The following CYP2C19 variants were observed in gnomAD, a reference collection of about 807,000 sequenced individuals.
CYP2C19 encodes the protein cytochrome P450 2C19.
A neutral mutation model predicts 40.9 loss-of-function variants in CYP2C19; 59 were observed. That is an observed-to-expected ratio of 1.44 (90% CI 1.17 to 1.79). CYP2C19 has a LOEUF of 1.79. CYP2C19 is among the 40% of genes most tolerant of loss of function. CYP2C19 has a pLI of 0.00. For missense variants in CYP2C19, 754 were observed against 596.9 expected, an observed-to-expected ratio of 1.26 and a Z score of -2.74; for synonymous variants, 253 against 208.7, an observed-to-expected ratio of 1.21 and a Z score of -1.83.
intron 5 of CYP2C19, among the ~76,000 whole-genome samples, chr10:94,800,294 G>T (rs1004136609): frequency 6.6e-6 from 1 of 152,182 alleles, no homozygotes; most frequent in East Asian, 1.9e-4. Flanking sequence ...TTTGTTGGAG[G>T]TTCACTCCAG....
chr10:94,765,287 C>G (rs537675139), intron 1 of CYP2C19, among the ~76,000 whole-genome samples: 58 of 152,122 alleles, frequency 3.8e-4, no homozygotes, highest in African/African-American at 1.3e-3. Context: ...CTGATAGGGT[C>G]TGATTTCCTG....
At chr10:94,778,260 C>G (rs1214071555) in intron 3 of CYP2C19, among the ~76,000 whole-genome samples, 1 of 152,172 alleles carries the variant, frequency 6.6e-6, no homozygotes, top group African/African-American at 2.4e-5. Context: ...CAAGCCTGTT[C>G]AAGATGACTT....
chr10:94,823,236 C>T (rs562889194), intron 6 of CYP2C19, among the ~76,000 whole-genome samples: 30 of 152,236 alleles, frequency 2.0e-4, no homozygotes, highest in African/African-American at 6.5e-4. Context: ...GCTCTCTCTG[C>T]CTAGGTTTCC....
At chr10:94,806,475 A>G (rs1848837908) in intron 5 of CYP2C19, among the ~76,000 whole-genome samples, 1 of 152,012 alleles carries the variant, frequency 6.6e-6, no homozygotes, top group Non-Finnish European at 1.5e-5. Flanking sequence ...GAACGTCTTA[A>G]TGTTTTTCTT....
chr10:94,769,232 C>T lies in CYP2C19; in HGVS notation c.169-5826C>T, dbSNP rs111534837. On this transcript the variant is annotated intron_variant, in intron 1 of 8. Transcript: ENST00000371321. The stretch of plus-strand genomic sequence containing the variant: ...GAGTACCCTGCTGGCATGAGGCTTC[C>T]GAACTGATAGCTAAAAGTAAATCAT... 3.5e-3 allele frequency among the ~76,000 whole-genome samples: 527 copies of T among 152,238 alleles called. 2 individuals carry two copies. Among genetic ancestry groups the T allele is most frequent in the African/African-American group, 0.01 (423 of 41,558 alleles).
chr10:94,832,607 T>C (rs1401639697), intron 6 of CYP2C19, among the ~76,000 whole-genome samples: 2 of 152,214 alleles, frequency 1.3e-5, no homozygotes, highest in Non-Finnish European at 2.9e-5. Context: ...CACTATTCTG[T>C]TCCATTGGTC....
At chr10:94,791,302 T>A (rs1352154126) in intron 5 of CYP2C19, among the ~76,000 whole-genome samples, 2 of 152,130 alleles carry the variant, frequency 1.3e-5, no homozygotes, top group East Asian at 1.9e-4. Flanking sequence ...ATTTTGTTGA[T>A]CTTTTCAAAA....
chr10:94,820,926 A>G, intron 6 of CYP2C19, among the ~76,000 whole-genome samples: 1 of 152,104 alleles, frequency 6.6e-6, no homozygotes, highest in Non-Finnish European at 1.5e-5. Flanking sequence ...TCTACTAAAA[A>G]TACAAAACGT....
intron 7 of CYP2C19, among the ~76,000 whole-genome samples, chr10:94,845,127 T>C (rs957886666): frequency 4.6e-5 from 7 of 152,170 alleles, no homozygotes; most frequent in African/African-American, 1.7e-4. Context: ...GTTCTTCTGC[T>C]ACAGGCTGGA....
At chr10:94,774,739 G>A in intron 1 of CYP2C19, 1 of 302,534 alleles carries the variant, frequency 3.3e-6, no homozygotes, top group South Asian at 4.3e-5. Context: ...TTAGCTGTGG[G>A]ACACTGAAAA....
intron 6 of CYP2C19, among the ~76,000 whole-genome samples, chr10:94,831,512 C>T (rs1289418965): frequency 6.6e-6 from 1 of 152,180 alleles, no homozygotes; most frequent in South Asian, 2.1e-4. Flanking sequence ...AATTTACATT[C>T]CCACCAACGT....
At chr10:94,794,670 G>A (rs901480853) in intron 5 of CYP2C19, among the ~76,000 whole-genome samples, 3 of 152,108 alleles carry the variant, frequency 2.0e-5, no homozygotes, top group East Asian at 1.9e-4. Flanking sequence ...TAACAATTTT[G>A]TATGGGAGTT....
intron 5 of CYP2C19, among the ~76,000 whole-genome samples, chr10:94,818,982 G>C (rs866721639): frequency 4.6e-5 from 7 of 150,918 alleles, no homozygotes; most frequent in South Asian, 4.2e-4. Context: ...TGACCACATA[G>C]TTGGAAGTAA....
chr10:94,842,393 G>GTTT lies in CYP2C19; in HGVS notation c.962-426_962-424dup, dbSNP rs57865512. Among the ~76,000 whole-genome samples, 107 of 86,906 alleles carry GTTT rather than the reference G, an allele frequency of 1.2e-3. 1 individual carries two copies. The highest frequency in any genetic ancestry group is 4.0e-3 in the African/African-American group (88 of 22,258). The allele number at this position is 86,906 out of a possible 152,430, so 57.0% of individuals were successfully genotyped here. ...GTCTATGTGTGTTTTTTTAAGTGAA[G>GTTT]TTTTTTTTTTTTTTTTTTTTAGGCA... On this transcript the variant is annotated intron_variant, in intron 6 of 8. Transcript: ENST00000371321.
chr10:94,784,752 A>C (rs562916643), intron 5 of CYP2C19, among the ~76,000 whole-genome samples: 1 of 151,906 alleles, frequency 6.6e-6, no homozygotes, highest in African/African-American at 2.4e-5. Flanking sequence ...ACCATACCTG[A>C]CTAATTTTTA....
intron 1 of CYP2C19, 64 bp downstream of exon 1, chr10:94,762,937 G>A: frequency 6.8e-7 from 1 of 1,477,374 alleles, no homozygotes; most frequent in East Asian, 2.3e-5. Flanking sequence ...TTTAAATAAA[G>A]TATATCCCTA....
intron 7 of CYP2C19, among the ~76,000 whole-genome samples, chr10:94,848,251 TG>T (rs1372069821): frequency 4.6e-5 from 7 of 152,212 alleles, no homozygotes; most frequent in African/African-American, 1.7e-4. Flanking sequence ...AATTAATTTT[TG>T]TATAAGGTGT....
chr10:94,842,534 T>G (rs377047150), intron 6 of CYP2C19, among the ~76,000 whole-genome samples: 1 of 152,100 alleles, frequency 6.6e-6, no homozygotes, highest in South Asian at 2.1e-4. Flanking sequence ...CTTTTTGTTA[T>G]TTGTTTACTG....
At chr10:94,800,730 T>G (rs78497745) in intron 5 of CYP2C19, among the ~76,000 whole-genome samples, 1 of 152,078 alleles carries the variant, frequency 6.6e-6, no homozygotes. Flanking sequence ...CAATGGTGGA[T>G]GCCCCTTCCC....
Sources: allele counts gnomAD v4.1 joint callset (sites outside exome capture counted in the v4.1 genomes callset), GRCh38; gene constraint gnomAD v4.1.1; transcripts MANE v1.5; gene names NCBI Gene and HGNC (gene_info 2026-07-23, HGNC 2026-07-21).